The following CHD9 variants were observed in gnomAD, a reference collection of about 807,000 sequenced individuals.
The protein encoded by CHD9 is ATP-dependent chromatin remodeler CHD9.
Under a neutral mutation model 316.1 loss-of-function variants are expected in CHD9, and 77 were observed. The observed-to-expected ratio is 0.24, with a 90% CI of 0.20 to 0.29. CHD9 has a LOEUF of 0.29. Among genes scored for constraint, CHD9 ranks in the 10% least tolerant of loss-of-function variants. CHD9 has a pLI of 1.00. For missense variants in CHD9, 2,763 were observed against 3,438.1 expected (o/e 0.80, Z 4.91); for synonymous variants, 1,129 against 1,158.3 (o/e 0.97, Z 0.51).
intron 1 of CHD9, among the ~76,000 whole-genome samples, chr16:53,062,840 G>A (rs1193974315): frequency 6.6e-6 from 1 of 152,152 alleles, no homozygotes; most frequent in Non-Finnish European, 1.5e-5. Context: ...AAACCAGCCT[G>A]ACCAACATGG....
intron 3 of CHD9, 78 bp from the exon 4 acceptor site, chr16:53,222,566 A>T (rs887527590): frequency 9.0e-5 from 62 of 691,552 alleles, no homozygotes; most frequent in Non-Finnish European, 1.4e-4. Flanking sequence ...AAGAAAGTTT[A>T]TCATGACAAT....
intron 24 of CHD9, among the ~76,000 whole-genome samples, chr16:53,281,061 G>A (rs192647444): frequency 1.5e-4 from 23 of 152,006 alleles, no homozygotes; most frequent in Admixed American, 3.9e-4. Context: ...CAAGAGCTCC[G>A]TCCTCAGCTC....
chr16:53,259,905 C>G (rs1170556661), intron 19 of CHD9, among the ~76,000 whole-genome samples: 1 of 152,196 alleles, frequency 6.6e-6, no homozygotes, highest in Admixed American at 6.5e-5. Context: ...ATCACTGAAA[C>G]TGTAGAACAG....
Position 53,222,738 on chromosome 16 carries a change from A to C in CHD9, c.1879A>C (p.Lys627Gln), listed in dbSNP as rs1456853114. The change falls in exon 4 of 39, where the codon AAA becomes CAA. Residue 627 changes from lysine (K) to glutamine (Q), a missense_variant. Coordinates refer to ENST00000447540, the MANE Select transcript of CHD9 (RefSeq NM_001308319.2). ...DAEQMPQHTL[K>Q]DQDSQKRRSN... The stretch of plus-strand genomic sequence containing the variant: ...AGAACAGATGCCACAGCATACATTA[A>C]AAGATCAAGACTCTCAAGTGAGTAT... 3.3e-6 allele frequency: 5 copies of C among 1,527,892 alleles called. No individual in the cohort carries two copies. The African/African-American group carries it at 6.8e-5, about 21-fold the overall frequency. The allele number at this position is 1,527,892 out of a possible 1,614,324, so 94.6% of individuals were successfully genotyped here.
At chr16:53,084,221 T>C (rs2035269993) in intron 1 of CHD9, among the ~76,000 whole-genome samples, 1 of 152,196 alleles carries the variant, frequency 6.6e-6, no homozygotes. Context: ...AGTTACTTGC[T>C]GGTCATGACC....
intron 22 of CHD9, among the ~76,000 whole-genome samples, chr16:53,272,030 A>G (rs2052320465): frequency 6.6e-6 from 1 of 152,176 alleles, no homozygotes; most frequent in African/African-American, 2.4e-5. Flanking sequence ...ATATGTATGC[A>G]GCCTATGTAT....
At chr16:53,219,580 A>G (rs1852961624) in intron 3 of CHD9, among the ~76,000 whole-genome samples, 3 of 152,180 alleles carry the variant, frequency 2.0e-5, no homozygotes, top group Admixed American at 2.0e-4. Flanking sequence ...TGTGTCAGGG[A>G]GCCAAGAAAG....
Position 53,289,757 on chromosome 16 carries a change from A to G in CHD9, c.5247+1743A>G, listed in dbSNP as rs367848795. 1.0e-3 allele frequency among the ~76,000 whole-genome samples: 154 copies of G among 152,310 alleles called. 2 individuals are homozygous for G. In the South Asian group the frequency reaches 0.03, roughly 30 times the overall value. On this transcript the variant is annotated intron_variant, in intron 27 of 38. Coordinates refer to ENST00000447540, the MANE Select transcript of CHD9 (RefSeq NM_001308319.2). ...GCTCCCAAGGAAGAGTCCCATCCCTATCAGTGCCAAGATCCAGACTTTGGT... is the reference window on the plus strand; with the variant it reads ...GCTCCCAAGGAAGAGTCCCATCCCTGTCAGTGCCAAGATCCAGACTTTGGT...
chr16:53,273,920 T>C, intron 23 of CHD9, 135 bp downstream of exon 23: 1 of 815,828 alleles, frequency 1.2e-6, no homozygotes, highest in Non-Finnish European at 1.9e-6. Context: ...TTTTACAAGG[T>C]ATCCTACAAG....
chr16:53,149,723 T>A (rs182910556), intron 1 of CHD9, among the ~76,000 whole-genome samples: 45 of 124,176 alleles, frequency 3.6e-4, no homozygotes, highest in South Asian at 2.7e-3. Flanking sequence ...AATTTAAAAA[T>A]ATATATATAT....
chr16:53,272,130 G>A (rs1358339913), intron 22 of CHD9, among the ~76,000 whole-genome samples: 1 of 151,802 alleles, frequency 6.6e-6, no homozygotes, highest in East Asian at 1.9e-4. Flanking sequence ...CACCAAACAA[G>A]CTTAAAAGTT....
chr16:53,183,783 G>A (rs141681556), intron 2 of CHD9, among the ~76,000 whole-genome samples: 30 of 131,752 alleles, frequency 2.3e-4, no homozygotes, highest in African/African-American at 7.6e-4. Flanking sequence ...ACAATACAAT[G>A]CAATACAATG....
At chr16:53,262,497 T>C (rs2051240558) in intron 19 of CHD9, among the ~76,000 whole-genome samples, 1 of 152,174 alleles carries the variant, frequency 6.6e-6, no homozygotes, top group African/African-American at 2.4e-5. Flanking sequence ...GAAAAGAGTT[T>C]TTAAAATGAC....
At chr16:53,262,365 G>A (rs1425565948) in intron 19 of CHD9, among the ~76,000 whole-genome samples, 1 of 152,032 alleles carries the variant, frequency 6.6e-6, no homozygotes, top group Admixed American at 6.6e-5. Flanking sequence ...AATTTCCACA[G>A]TATTTACGAA....
chr16:53,252,724 A>G (rs2050232012), intron 17 of CHD9, among the ~76,000 whole-genome samples: 1 of 152,106 alleles, frequency 6.6e-6, no homozygotes, highest in Non-Finnish European at 1.5e-5. Context: ...AGTTCCATCA[A>G]AAAGTGGGCT....
intron 11 of CHD9, among the ~76,000 whole-genome samples, chr16:53,237,849 G>A (rs984721509): frequency 4.0e-5 from 6 of 151,766 alleles, no homozygotes; most frequent in Admixed American, 3.3e-4. Context: ...TTTTTTTCAA[G>A]CTTTGTAAGC....
intron 2 of CHD9, 27 bp from the exon 3 acceptor site, chr16:53,209,455 C>A: frequency 6.9e-7 from 1 of 1,445,986 alleles, no homozygotes; most frequent in South Asian, 1.3e-5. Flanking sequence ...TTGGTATATT[C>A]TATAAAAAAT....
chr16:53,213,947 G>A lies in CHD9; in HGVS notation c.1784+4134G>A, dbSNP rs144416712. Among the ~76,000 whole-genome samples the A allele has an allele frequency of 8.5e-3, 1,300 of 152,166 alleles. 10 individuals carry two copies. Among genetic ancestry groups the A allele is most frequent in the South Asian group, 0.023 (109 of 4,826 alleles). On this transcript the variant is annotated intron_variant, in intron 3 of 38. Transcript: ENST00000447540. ...CTTTGTATGTGTTACAGGAATAGTA[G>A]TTATCAGGTACTACAAATAACTTCT...
intron 4 of CHD9, among the ~76,000 whole-genome samples, chr16:53,225,221 A>G (rs1194394464): frequency 6.6e-6 from 1 of 152,132 alleles, no homozygotes; most frequent in Non-Finnish European, 1.5e-5. Context: ...CAGAAACCAG[A>G]AGAACTTGTG....
Sources: allele counts gnomAD v4.1 joint callset (sites outside exome capture counted in the v4.1 genomes callset), GRCh38; gene constraint gnomAD v4.1.1; transcripts MANE v1.5; gene names NCBI Gene and HGNC (gene_info 2026-07-23, HGNC 2026-07-21).